The following TUBGCP3 variants were observed in gnomAD, a reference collection of about 807,000 sequenced individuals.
The protein encoded by TUBGCP3 is tubulin gamma complex component 3, also known as gamma-tubulin complex component 3.
Under a neutral mutation model 123.1 loss-of-function variants are expected in TUBGCP3, and 50 were observed. That is an observed-to-expected ratio of 0.41 (90% confidence interval 0.32 to 0.51). The LOEUF is 0.51. TUBGCP3 is among the 20% of genes least tolerant of loss of function. TUBGCP3 has a pLI of 0.36. For synonymous variants in TUBGCP3, 405 were observed against 413.9 expected, an observed-to-expected ratio of 0.98 and a Z score of 0.26; for missense variants, 882 against 1,127.0, an observed-to-expected ratio of 0.78 and a Z score of 3.11.
the TUBGCP3 span, among the ~76,000 whole-genome samples, chr13:112,597,815 C>A: frequency 6.6e-6 from 1 of 151,618 alleles, no homozygotes; most frequent in African/African-American, 2.4e-5. Context: ...ACATAGGGGA[C>A]AGAGTGAAAA....
intron 8 of TUBGCP3, among the ~76,000 whole-genome samples, chr13:112,551,096 C>A (rs939000437): frequency 6.6e-6 from 1 of 150,896 alleles, no homozygotes. Flanking sequence ...GAGACGACTC[C>A]GTCTCAAAAA....
the TUBGCP3 span, chr13:112,604,347 G>A: frequency 1.2e-4 from 18 of 152,328 alleles, no homozygotes; most frequent in Admixed American, 3.9e-4. Flanking sequence ...ATCCAGGCTG[G>A]AGTGCAGTGG....
chr13:112,579,435 T>A (rs948992871), intron 1 of TUBGCP3, among the ~76,000 whole-genome samples: 2 of 148,132 alleles, frequency 1.4e-5, no homozygotes, highest in Non-Finnish European at 3.0e-5. Flanking sequence ...GGCCACGGCA[T>A]CCCTGCAGCT....
At chr13:112,539,432 A>AT (rs1878323060) in intron 11 of TUBGCP3, among the ~76,000 whole-genome samples, 1 of 152,252 alleles carries the variant, frequency 6.6e-6, no homozygotes, top group Admixed American at 6.5e-5. Flanking sequence ...AGTACTAAAC[A>AT]TAGCAGACCC....
intron 1 of TUBGCP3, among the ~76,000 whole-genome samples, chr13:112,585,560 G>T (rs547503840): frequency 6.6e-6 from 1 of 152,090 alleles, no homozygotes; most frequent in African/African-American, 2.4e-5. Flanking sequence ...ATCACTTGAG[G>T]TCAGGAGTTG....
At chr13:112,498,936 C>T in intron 20 of TUBGCP3, 109 bp downstream of exon 20, 1 of 1,614,080 alleles carries the variant, frequency 6.2e-7, no homozygotes, top group South Asian at 1.1e-5. Context: ...CACATCTCAA[C>T]CTGTCTGACA....
upstream of TUBGCP3, among the ~76,000 whole-genome samples, chr13:112,590,510 C>A (rs2139357786): frequency 6.6e-6 from 1 of 152,126 alleles, no homozygotes; most frequent in South Asian, 2.1e-4. Context: ...TTTTCAGCTA[C>A]CACCATCACA....
At chr13:112,537,779 T>G (rs1878186167) in intron 11 of TUBGCP3, among the ~76,000 whole-genome samples, 1 of 152,220 alleles carries the variant, frequency 6.6e-6, no homozygotes, top group Non-Finnish European at 1.5e-5. Flanking sequence ...CACTTTTCTT[T>G]GCTAAAGTTT....
intron 21 of TUBGCP3, 128 bp downstream of exon 21, chr13:112,489,453 A>C: frequency 1.4e-6 from 1 of 739,044 alleles, no homozygotes; most frequent in Non-Finnish European, 2.4e-6. Context: ...CATGGGTGCT[A>C]CTCACACCTA....
chr13:112,511,313 T>A lies in TUBGCP3; in HGVS notation c.2086+5127A>T, dbSNP rs1881661502. ...ATAAAATCTGCGGTGCTGCTTTACA[T>A]GGAAAAGTGGCATTTTGGTTCTTCT... On this transcript the variant is annotated intron_variant, in intron 17 of 21. Transcript: ENST00000261965. The surrounding 1 kb of genome is among the most constrained non-coding windows in gnomAD (Gnocchi z 4.1). Among the ~76,000 whole-genome samples the A allele has an allele frequency of 6.6e-6, 1 of 152,218 alleles. No individual in the cohort carries two copies. The highest frequency in any genetic ancestry group is 2.4e-5 in the African/African-American group (1 of 41,466).
At chr13:112,540,297 G>C (rs1425908476) in intron 11 of TUBGCP3, among the ~76,000 whole-genome samples, 11 of 143,226 alleles carry the variant, frequency 7.7e-5, no homozygotes, top group African/African-American at 2.7e-4. Flanking sequence ...GCATTCAGGT[G>C]GTCTTGGGAA....
intron 11 of TUBGCP3, among the ~76,000 whole-genome samples, chr13:112,536,160 G>A (rs1477897639): frequency 6.6e-6 from 1 of 152,200 alleles, no homozygotes; most frequent in African/African-American, 2.4e-5. Flanking sequence ...ACCTTGCATT[G>A]TAGCATGTTT....
intron 11 of TUBGCP3, among the ~76,000 whole-genome samples, chr13:112,532,044 A>C (rs1414776440): frequency 6.6e-6 from 1 of 152,226 alleles, no homozygotes; most frequent in Non-Finnish European, 1.5e-5. Flanking sequence ...GCAACTTCTG[A>C]GAATCAGATC....
intron 16 of TUBGCP3, among the ~76,000 whole-genome samples, chr13:112,518,222 T>C (rs577102707): frequency 1.3e-5 from 2 of 152,250 alleles, no homozygotes; most frequent in Admixed American, 1.3e-4. Context: ...AGCAGCGTGA[T>C]ATGCACCCTG....
intron 2 of TUBGCP3, among the ~76,000 whole-genome samples, chr13:112,566,833 A>G (rs948467725): frequency 6.6e-6 from 1 of 152,224 alleles, no homozygotes; most frequent in African/African-American, 2.4e-5. Flanking sequence ...TCCAGTTACA[A>G]TGTACCCCAC....
At chr13:112,595,555 A>G in the TUBGCP3 span, among the ~76,000 whole-genome samples, 3,328 of 152,278 alleles carry the variant, frequency 0.022, 115 homozygotes, top group Non-Finnish European at 0.024. Context: ...TTGCTATGCC[A>G]TCTTAGCAAA....
At chr13:112,571,124 T>C (rs6577093) in intron 1 of TUBGCP3, among the ~76,000 whole-genome samples, 68,407 of 152,168 alleles carry the variant, frequency 0.45, 19,794 homozygotes, top group African/African-American at 0.83. Flanking sequence ...CCTGTTAATG[T>C]TGACAATTTG....
intron 1 of TUBGCP3, chr13:112,587,111 A>G (rs1464539378): frequency 1.3e-5 from 2 of 151,916 alleles, no homozygotes; most frequent in Non-Finnish European, 2.9e-5. Flanking sequence ...TACTCAGAAA[A>G]TTCCCTCATG....
In TUBGCP3 at chr13:112,489,709, A is replaced by G. The variant is rs753113238; in HGVS notation, c.2449-12T>C. On this transcript the variant is annotated splice_polypyrimidine_tract_variant and intron_variant, in intron 20 of 21. Coordinates refer to ENST00000261965, the MANE Select transcript of TUBGCP3 (RefSeq NM_006322.6). ...ACTCCCCACTGGCCCTGAACAATCAAAAGTACCAAATGTCAGTAAAATCAC... is the reference window on the plus strand; with the variant it reads ...ACTCCCCACTGGCCCTGAACAATCAGAAGTACCAAATGTCAGTAAAATCAC... 7 of 1,602,048 alleles carry G rather than the reference A, an allele frequency of 4.4e-6. No homozygotes were observed. The highest frequency in any genetic ancestry group is 3.3e-5 in the South Asian group (3 of 90,830).
Sources: allele counts gnomAD v4.1 joint callset (sites outside exome capture counted in the v4.1 genomes callset), GRCh38; gene constraint gnomAD v4.1.1; non-coding constraint Gnocchi (gnomAD v3.1); transcripts MANE v1.5; gene names NCBI Gene and HGNC (gene_info 2026-07-23, HGNC 2026-07-21).